The following SKA3 variants were observed in gnomAD, a reference collection of about 807,000 sequenced individuals.
The protein encoded by SKA3 is spindle and kinetochore-associated protein 3.
SKA3 carries 39 observed loss-of-function variants against 44.2 expected under a neutral mutation model. The observed-to-expected ratio is 0.88, with a 90% CI of 0.68 to 1.15. The LOEUF (loss-of-function observed/expected upper bound fraction) is 1.15, where lower values mean the gene tolerates loss of function less well. SKA3 is among the 50% of genes most tolerant of loss of function. The pLI, the probability that SKA3 is intolerant of heterozygous loss-of-function variation, is 0.00. For missense variants in SKA3, 511 were observed against 485.8 expected, an observed-to-expected ratio of 1.05 and a Z score of -0.49; for synonymous variants, 192 against 172.0, an observed-to-expected ratio of 1.12 and a Z score of -0.91.
intron 1 of SKA3, 100 bp from the exon 2 acceptor site, chr13:21,172,781 T>C: frequency 3.0e-6 from 2 of 673,936 alleles, no homozygotes; most frequent in Non-Finnish European, 4.9e-6. Context: ...ATGACATTGG[T>C]CAATCACAGA....
chr13:21,172,453 T>C lies in SKA3; in HGVS notation c.217A>G (p.Ile73Val). ...ACTTTTGTTGCCTTTATGAAATCAA[T>C]GCCTTCTTGATTTTCCAATCTTGCT... ...DKARLENQEG[I>V]DFIKATKVLM... The change falls in exon 3 of 9, where the codon ATT becomes GTT. Residue 73 changes from isoleucine (I) to valine (V), a missense_variant. Physicochemically the swap from Ile to Val is conservative, Grantham distance 29. Coordinates refer to ENST00000314759, the MANE Select transcript of SKA3 (RefSeq NM_145061.6). 6.3e-7 allele frequency: 1 copy of C among 1,591,270 alleles called. No homozygotes were observed. The highest frequency in any genetic ancestry group is 8.5e-7 in the Non-Finnish European group (1 of 1,171,472).
chr13:21,171,626 T>C (rs892395521), intron 3 of SKA3, among the ~76,000 whole-genome samples: 2 of 151,804 alleles, frequency 1.3e-5, no homozygotes, highest in African/African-American at 2.4e-5. Context: ...GGCATAACAG[T>C]AACAGTTAAT....
intron 1 of SKA3, among the ~76,000 whole-genome samples, chr13:21,173,347 C>T (rs572121224): frequency 6.7e-4 from 102 of 152,166 alleles, no homozygotes; most frequent in Non-Finnish European, 1.2e-3. Flanking sequence ...ACCTTCACCT[C>T]CCGGATTCAA....
intron 3 of SKA3, 79 bp from the exon 4 acceptor site, chr13:21,168,478 T>G: frequency 2.3e-6 from 3 of 1,282,714 alleles, no homozygotes; most frequent in Non-Finnish European, 3.2e-6. Flanking sequence ...GAAAACAGCT[T>G]ATCTGAAATT....
intron 1 of SKA3, among the ~76,000 whole-genome samples, chr13:21,175,002 T>C (rs1871373827): frequency 6.6e-6 from 1 of 152,158 alleles, no homozygotes; most frequent in African/African-American, 2.4e-5. Context: ...CTTTCTTAGA[T>C]GGAGTCTAAG....
chr13:21,176,165 G>A (rs1871505138), intron 1 of SKA3, among the ~76,000 whole-genome samples: 1 of 152,170 alleles, frequency 6.6e-6, no homozygotes, highest in South Asian at 2.1e-4. Context: ...CGCGACAAGG[G>A]TTCCTAGGAA....
chr13:21,170,909 TTGTA>T (rs74392336), intron 3 of SKA3, among the ~76,000 whole-genome samples: 105 of 150,592 alleles, frequency 7.0e-4, no homozygotes, highest in African/African-American at 2.3e-3. Flanking sequence ...TATGGGTTGT[TTGTA>T]TGTATGTATG....
At chr13:21,172,847 T>G in intron 1 of SKA3, 166 bp from the exon 2 acceptor site, 1 of 512,448 alleles carries the variant, frequency 2.0e-6, no homozygotes, top group Non-Finnish European at 3.5e-6. Context: ...GTACCTTTTT[T>G]ATGTTTAGAT....
chr13:21,161,164 T>C (rs1409684634), intron 5 of SKA3, among the ~76,000 whole-genome samples: 1 of 152,046 alleles, frequency 6.6e-6, no homozygotes, highest in Non-Finnish European at 1.5e-5. Context: ...GTGCCTATAG[T>C]CTCGGATACT....
chr13:21,156,185 TAAA>T (rs35208915), intron 7 of SKA3, among the ~76,000 whole-genome samples: 4 of 128,878 alleles, frequency 3.1e-5, no homozygotes, highest in African/African-American at 5.9e-5. Flanking sequence ...AGACTTGGTC[TAAA>T]AAAAAAAAAA....
At chr13:21,161,727 A>G in intron 5 of SKA3, 63 bp downstream of exon 5, 1 of 1,179,216 alleles carries the variant, frequency 8.5e-7, no homozygotes, top group East Asian at 2.4e-5. Flanking sequence ...TGATGAAATC[A>G]ATTTTGTTCA....
At position 21,167,081 on chromosome 13, in the gene SKA3, A is replaced by G. The variant is rs76494354; in HGVS notation, c.743+907T>C. 9.3e-3 allele frequency among the ~76,000 whole-genome samples: 1,410 copies of G among 152,282 alleles called. 30 individuals are homozygous for G. The highest frequency in any genetic ancestry group is 0.046 in the Admixed American group (702 of 15,284). On this transcript the variant is annotated intron_variant, in intron 4 of 8. Transcript: ENST00000314759. ...GACTCCCAAATCTAGTTTAGCACTG[A>G]ATTCTTCACTGAGCTTTAAACTGAT...
In SKA3 at chr13:21,154,137, CATA is replaced by C. The variant is rs1468509901; in HGVS notation, c.*1010_*1012del. On this transcript the variant is annotated 3_prime_UTR_variant, in exon 9 of 9. Transcript: ENST00000314759. ...AAACTACGCCTTTGAAGTAAGTTGA[CATA>C]ATACTTGTTGTTTCTTCTCAAATTT... 7.9e-5 allele frequency: 12 copies of C among 152,224 alleles called. No individual in the cohort carries two copies. Among genetic ancestry groups the C allele is most frequent in the Non-Finnish European group, 1.8e-4 (12 of 68,042 alleles). The allele number at this position is 152,224 out of a possible 1,614,324, so 9.4% of individuals were successfully genotyped here.
At chr13:21,166,694 T>C (rs890380817) in intron 4 of SKA3, among the ~76,000 whole-genome samples, 2 of 152,082 alleles carry the variant, frequency 1.3e-5, no homozygotes, top group Non-Finnish European at 2.9e-5. Flanking sequence ...GATCGAGCCA[T>C]TGCACTCCAG....
chr13:21,164,567 T>A lies in SKA3; in HGVS notation c.744-2692A>T, dbSNP rs527791453. On this transcript the variant is annotated intron_variant, in intron 4 of 8. Transcript: ENST00000314759. ...CAGTTAAAACAAATATGCTTTGTACTATTTTGATAGACAAAACTGTTTTTA... is the reference window on the plus strand; with the variant it reads ...CAGTTAAAACAAATATGCTTTGTACAATTTTGATAGACAAAACTGTTTTTA... Among the ~76,000 whole-genome samples the A allele has an allele frequency of 7.2e-5, 11 of 152,368 alleles. No homozygotes were observed. In the South Asian group the frequency reaches 2.1e-3, roughly 29 times the overall value.
At chr13:21,167,537 C>A (rs541600211) in intron 4 of SKA3, among the ~76,000 whole-genome samples, 1 of 152,030 alleles carries the variant, frequency 6.6e-6, no homozygotes, top group Non-Finnish European at 1.5e-5. Context: ...GAGGCCCAGG[C>A]GGGCGGATCA....
At position 21,161,818 on chromosome 13, in the gene SKA3, G is replaced by T. The variant is rs1450735421; in HGVS notation, c.801C>A (p.Ser267Arg). 8.1e-6 allele frequency: 13 copies of T among 1,612,150 alleles called. No individual in the cohort carries two copies. In the African/African-American group the frequency reaches 1.6e-4, roughly 20 times the overall value. Residue 267 changes from serine (S) to arginine (R), a missense_variant, in exon 5 of 9, where the codon AGC becomes AGA. Transcript: ENST00000314759. ...TTTTTTCCAACTGCTGGATGATGGG[G>T]CTGGGAGTGGCAAAAACATTATCAT... Reference protein sequence around the residue: ...RLNDNVFATPSPIIQQLEKSD... With the variant: ...RLNDNVFATPRPIIQQLEKSD...
chr13:21,161,548 A>G (rs1870440185), intron 5 of SKA3, among the ~76,000 whole-genome samples: 1 of 152,246 alleles, frequency 6.6e-6, no homozygotes, highest in Admixed American at 6.5e-5. Flanking sequence ...TAAGTTTCAA[A>G]TTAAAATGTT....
intron 7 of SKA3, among the ~76,000 whole-genome samples, chr13:21,156,856 CG>C: frequency 2.2e-4 from 1 of 4,602 alleles, no homozygotes; most frequent in Non-Finnish European, 5.9e-4. Flanking sequence ...GTCAGGAGAT[CG>C]AGACCATCCT....
Sources: allele counts gnomAD v4.1 joint callset (sites outside exome capture counted in the v4.1 genomes callset), GRCh38; gene constraint gnomAD v4.1.1; transcripts MANE v1.5; gene names NCBI Gene and HGNC (gene_info 2026-07-23, HGNC 2026-07-21).